The following GMIP variants were observed in gnomAD, a reference collection of about 807,000 sequenced individuals.
GMIP encodes GEM-interacting protein.
GMIP carries 54 observed loss-of-function variants against 105.3 expected under a neutral mutation model. The observed-to-expected ratio is 0.51, with a 90% confidence interval of 0.41 to 0.64. GMIP has a LOEUF of 0.64. GMIP is among the 30% of genes least tolerant of loss of function. The probability of loss-of-function intolerance (pLI) is 0.00; values close to 1 mark genes in which losing one functional copy is unlikely to be tolerated. For synonymous variants in GMIP, 541 were observed against 560.8 expected, an observed-to-expected ratio of 0.96 and a Z score of 0.50; for missense variants, 1,110 against 1,319.4, an observed-to-expected ratio of 0.84 and a Z score of 2.46.
rs968827205 is a variant in GMIP, at chr19:19,643,427, G to A, written c.19+84C>T. The A allele has an allele frequency of 1.0e-5, 13 of 1,274,750 alleles. No homozygotes were observed. The African/African-American group carries it at 1.0e-4, about 10-fold the overall frequency. 79.0% of individuals were successfully genotyped at this position (1,274,750 alleles called of 1,614,324 possible). On this transcript the variant is annotated intron_variant, in intron 1 of 20. Coordinates refer to ENST00000203556, the MANE Select transcript of GMIP (RefSeq NM_016573.4). ...CAGGAACTCCTCTCCTGGCTCTCAG[G>A]ACGGAGCGGGACAAGTGTGTGCCCT... is the stretch of plus-strand genomic sequence containing the variant.
intron 13 of GMIP, 82 bp downstream of exon 13, chr19:19,636,625 A>T: frequency 1.0e-6 from 1 of 998,166 alleles, no homozygotes; most frequent in Non-Finnish European, 1.6e-6. Flanking sequence ...AAAGATAGTT[A>T]AAGATTGAGG....
chr19:19,642,614 G>A lies in GMIP; in HGVS notation c.25C>T (p.Pro9Ser). MDAAEPGL[P>S]PGPEGRKRYS... Reference sequence around the variant, plus strand: ...CTCTTCCTGCCCTCAGGACCTGGGGGGAGTCCTAGGGGAGGGGAGTGTAAT... The same window carrying A: ...CTCTTCCTGCCCTCAGGACCTGGGGAGAGTCCTAGGGGAGGGGAGTGTAAT... The change falls in exon 2 of 21, where the codon CCC becomes TCC. Residue 9 changes from proline to serine, a missense_variant. Around this residue, in one of 3 missense-constraint regions of GMIP, gnomAD observed 667 missense variants for 773.2 expected, o/e 0.86. Coordinates refer to ENST00000203556, the MANE Select transcript of GMIP (RefSeq NM_016573.4). The A allele has an allele frequency of 1.3e-6, 2 of 1,585,090 alleles. No homozygotes were observed. The highest frequency in any genetic ancestry group is 1.7e-6 in the Non-Finnish European group (2 of 1,154,986).
Position 19,630,036 on chromosome 19 carries a change from A to G in GMIP, c.2840T>C (p.Leu947Ser). 1 of 1,609,088 alleles carries G rather than the reference A, an allele frequency of 6.2e-7. No homozygotes were observed. The highest frequency in any genetic ancestry group is 2.2e-5 in the East Asian group (1 of 44,740). ...GGCCCTGGGCACAGCCTCGCTGTCCAATTTCGAGAGTAGCCGGGCTGTCTC... is the reference window on the plus strand; with the variant it reads ...GGCCCTGGGCACAGCCTCGCTGTCCGATTTCGAGAGTAGCCGGGCTGTCTC... ...TQETARLLSKLDSEAVPRATC... is the reference protein window; with the variant it reads ...TQETARLLSKSDSEAVPRATC... Residue 947 changes from leucine (L) to serine (S), a missense_variant, in exon 21 of 21, where the codon TTG becomes TCG. Coordinates refer to ENST00000203556, the MANE Select transcript of GMIP (RefSeq NM_016573.4). The surrounding 1 kb of genome is among the most constrained non-coding windows in gnomAD (Gnocchi z 4.8).
Position 19,640,457 on chromosome 19 carries a change from C to G in GMIP, c.353G>C (p.Arg118Thr), listed in dbSNP as rs978244607. 23 of 1,614,156 alleles carry G rather than the reference C, an allele frequency of 1.4e-5. No homozygotes were observed. Among genetic ancestry groups the G allele is most frequent in the Non-Finnish European group, 1.9e-5 (23 of 1,180,042 alleles). ...GAAGAGGTCCTCACCATAGCTGGCT[C>G]TCTTTTCAGTCCAGGCAAGCAGTTC... ...AKELLAWTEK[R>T]ASYELEFAKS... The change falls in exon 5 of 21, where the codon AGA becomes ACA. Residue 118 changes from arginine (R) to threonine (T), a missense_variant. Transcript: ENST00000203556.
Position 19,630,424 on chromosome 19 carries a change from G to T in GMIP, c.2539+47C>A. On this transcript the variant is annotated intron_variant, in intron 20 of 20. Transcript: ENST00000203556. The surrounding 1 kb of genome is among the most constrained non-coding windows in gnomAD (Gnocchi z 4.8). ...GTCATCTTTTAGCAAGCCACCCTGG[G>T]GCCAGGGCACCCCCAGAACTCCTGA... The T allele has an allele frequency of 6.2e-7, 1 of 1,607,386 alleles. No homozygotes were observed. Among genetic ancestry groups the T allele is most frequent in the South Asian group, 1.1e-5 (1 of 90,366 alleles).
intron 7 of GMIP, among the ~76,000 whole-genome samples, chr19:19,639,102 A>G (rs977639319): frequency 6.6e-6 from 1 of 151,232 alleles, no homozygotes; most frequent in African/African-American, 2.4e-5. Context: ...AAATAAATAA[A>G]TTTTTTTTGG....
At position 19,630,022 on chromosome 19, in the gene GMIP, C is replaced by T; in HGVS notation, c.2854G>A (p.Val952Met). 6.2e-7 allele frequency: 1 copy of T among 1,608,360 alleles called. No individual in the cohort carries two copies. The highest frequency in any genetic ancestry group is 8.5e-7 in the Non-Finnish European group (1 of 1,177,774). ...RLLSKLDSEAVPRATCCPDVQ... is the reference protein window; with the variant it reads ...RLLSKLDSEAMPRATCCPDVQ... ...TCCGGGCAGCAGGTGGCCCTGGGCA[C>T]AGCCTCGCTGTCCAATTTCGAGAGT... Residue 952 changes from valine (V) to methionine (M), a missense_variant, in exon 21 of 21, where the codon GTG becomes ATG. Val to Met is a conservative substitution (Grantham distance 21). Coordinates refer to ENST00000203556, the MANE Select transcript of GMIP (RefSeq NM_016573.4). This position sits in a 1 kb window ranked among gnomAD's most constrained non-coding sequence, Gnocchi z 4.8.
At chr19:19,639,011 C>T (rs1038591945) in intron 7 of GMIP, among the ~76,000 whole-genome samples, 15 of 151,504 alleles carry the variant, frequency 9.9e-5, no homozygotes, top group Non-Finnish European at 4.4e-5. Context: ...ACCCGGGAGG[C>T]AGAGGTTGCA....
At chr19:19,636,378 G>A (rs1213456570) in intron 13 of GMIP, among the ~76,000 whole-genome samples, 1 of 150,852 alleles carries the variant, frequency 6.6e-6, no homozygotes, top group East Asian at 2.0e-4. Flanking sequence ...ACAAAAATCA[G>A]CCGGCGTGGT....
Position 19,641,976 on chromosome 19 carries a change from A to G in GMIP, c.180T>C (p.Val60=). 1 of 1,611,636 alleles carries G rather than the reference A, an allele frequency of 6.2e-7. No homozygotes were observed. Among genetic ancestry groups the G allele is most frequent in the Non-Finnish European group, 8.5e-7 (1 of 1,177,748 alleles). The change falls in exon 3 of 21, where the codon GTT becomes GTC. Residue 60 remains valine (V), a splice_region_variant and synonymous_variant. Transcript: ENST00000203556. The stretch of plus-strand genomic sequence containing the variant: ...CCCTGTTCCCCTACTCCCCACTCAC[A>G]ACAGTGGCTGTAGGGGTCTTGTCAG... ...PEPDKTPTAT[V]TNEASCWSGP...
chr19:19,631,844 C>T (rs975937945), intron 19 of GMIP, among the ~76,000 whole-genome samples: 6 of 151,690 alleles, frequency 4.0e-5, no homozygotes, highest in African/African-American at 9.7e-5. Context: ...AAAAATTAGC[C>T]GGGTGTGGTG....
At chr19:19,631,525 T>C (rs2061795329) in intron 19 of GMIP, among the ~76,000 whole-genome samples, 1 of 152,236 alleles carries the variant, frequency 6.6e-6, no homozygotes, top group African/African-American at 2.4e-5. Context: ...TTCCCAGCTC[T>C]GGGCTGCTGC....
rs1184260072 is a variant in GMIP at position 19,638,417 on chromosome 19, C to T, written c.603G>A (p.Lys201=). The change falls in exon 8 of 21, where the codon AAG becomes AAA. Residue 201 remains lysine, a synonymous_variant. Transcript: ENST00000203556. ...WRKEFKEQWM[K]EQKRMNEAVQ... ...CAAGCCTCACCATCCGCTTCTGCTC[C>T]TTCATCCACTGCTCCTTGAACTCCT... is the stretch of plus-strand genomic sequence containing the variant. 3 of 1,614,180 alleles carry T rather than the reference C, an allele frequency of 1.9e-6. No homozygotes were observed. The highest frequency in any genetic ancestry group is 1.7e-5 in the Admixed American group (1 of 60,028).
chr19:19,635,652 C>A lies in GMIP; in HGVS notation c.1397G>T (p.Arg466Leu), dbSNP rs150730686. ...GTESSDDFEE[R>L]DPDLGDGLEN... ...CCCTGCTTCAGCCTCACCAGGGTCT[C>A]GCTCCTCAAAGTCATCTGAGGACTC... Residue 466 changes from arginine (R) to leucine (L), a missense_variant, in exon 14 of 21, where the codon CGA becomes CTA. Transcript: ENST00000203556. This position sits in a 1 kb window ranked among gnomAD's most constrained non-coding sequence, Gnocchi z 4.7. The A allele has an allele frequency of 1.2e-6, 2 of 1,614,016 alleles. No individual in the cohort carries two copies. Among genetic ancestry groups the A allele is most frequent in the Admixed American group, 3.3e-5 (2 of 60,020 alleles).
At chr19:19,642,181 G>A in intron 2 of GMIP, 130 bp from the exon 3 acceptor site, 1 of 620,882 alleles carries the variant, frequency 1.6e-6, no homozygotes, top group Non-Finnish European at 2.8e-6. Context: ...GAGGTCTGAA[G>A]AATGGTGTTT....
At position 19,637,534 on chromosome 19, in the gene GMIP, C is replaced by G; in HGVS notation, c.955G>C (p.Gly319Arg). The change falls in exon 11 of 21, where the codon GGG becomes CGG. Residue 319 changes from glycine (G) to arginine (R), a missense_variant. This residue lies in a region of GMIP where 667 missense variants were observed against 773.2 expected (regional missense o/e 0.86). Coordinates refer to ENST00000203556, the MANE Select transcript of GMIP (RefSeq NM_016573.4). This position sits in a 1 kb window ranked among gnomAD's most constrained non-coding sequence, Gnocchi z 6.7. ...CGGGGGCCACGCTCTGCCTGCGCCC[C>G]CCGCAGCCCGAAGAGACTCAGCGTC... ...RVTLSLFGLRGAQAERGPRAF... is the reference protein window; with the variant it reads ...RVTLSLFGLRRAQAERGPRAF... 1 of 1,533,858 alleles carries G rather than the reference C, an allele frequency of 6.5e-7. No homozygotes were observed. The highest frequency in any genetic ancestry group is 8.7e-7 in the Non-Finnish European group (1 of 1,143,250).
In GMIP at chr19:19,635,408, G is replaced by A. The variant is rs1461599768; in HGVS notation, c.1560+7C>T. 3 of 1,608,238 alleles carry A rather than the reference G, an allele frequency of 1.9e-6. No individual in the cohort carries two copies. Among genetic ancestry groups the A allele is most frequent in the Non-Finnish European group, 2.5e-6 (3 of 1,178,814 alleles). On this transcript the variant is annotated splice_region_variant and intron_variant, in intron 15 of 20. Coordinates refer to ENST00000203556, the MANE Select transcript of GMIP (RefSeq NM_016573.4). This position sits in a 1 kb window ranked among gnomAD's most constrained non-coding sequence, Gnocchi z 4.7. ...AAAGGTCATTTGGTCATTAACCCAG[G>A]CCACACCTCCTCACACTCCGTCCCG...
chr19:19,631,420 G>C (rs2061794402), intron 19 of GMIP, among the ~76,000 whole-genome samples: 1 of 152,180 alleles, frequency 6.6e-6, no homozygotes, highest in Non-Finnish European at 1.5e-5. Context: ...TCCATCCTTA[G>C]CTAAATGGTT....
intron 7 of GMIP, 51 bp downstream of exon 7, chr19:19,640,034 A>G: frequency 9.6e-7 from 1 of 1,039,490 alleles, no homozygotes. Flanking sequence ...GGCCTGAAGG[A>G]CAGCAGGATA....
Sources: gnomAD v4.1 joint callset for allele counts (sites outside exome capture counted in the v4.1 genomes callset) on GRCh38, gnomAD v4.1.1 for gene constraint, gnomAD v4.1.1 regional missense constraint, Gnocchi (gnomAD v3.1) non-coding constraint, MANE v1.5 for transcripts, NCBI Gene and HGNC (gene_info 2026-07-23, HGNC 2026-07-21) for gene names.